Variants in POLR3B observed in about 807,000 individuals in gnomAD.
The protein encoded by POLR3B is DNA-directed RNA polymerase III subunit RPC2.
Under a neutral mutation model 147.4 loss-of-function variants are expected in POLR3B, and 96 were observed. That is an observed-to-expected ratio of 0.65 (90% CI 0.55 to 0.77). The LOEUF is 0.77. POLR3B is among the 30% of genes least tolerant of loss of function. The pLI, the probability that POLR3B is intolerant of heterozygous loss-of-function variation, is 0.00. For missense variants in POLR3B, 1,036 were observed against 1,413.5 expected (o/e 0.73, Z 4.28); for synonymous variants, 461 against 485.9 (o/e 0.95, Z 0.67).
intron 12 of POLR3B, among the ~76,000 whole-genome samples, chr12:106,420,726 A>G (rs1388014170): frequency 6.6e-6 from 1 of 152,206 alleles, no homozygotes; most frequent in Non-Finnish European, 1.5e-5. Context: ...CTGTTTTAAA[A>G]TATCACTGTG....
At chr12:106,472,945 A>G (rs1398387837) in intron 23 of POLR3B, among the ~76,000 whole-genome samples, 2 of 134,414 alleles carry the variant, frequency 1.5e-5, no homozygotes, top group African/African-American at 6.3e-5. Flanking sequence ...GCCCACGCCT[A>G]TGTCCTGAAT....
intron 6 of POLR3B, among the ~76,000 whole-genome samples, chr12:106,371,731 T>A (rs181490256): frequency 6.9e-6 from 1 of 145,054 alleles, no homozygotes; most frequent in Middle Eastern, 3.5e-3. Context: ...TAGGTGGGAA[T>A]TGAACAATGA....
chr12:106,430,171 TA>T, intron 13 of POLR3B, 101 bp from the exon 14 acceptor site: 1 of 840,670 alleles, frequency 1.2e-6, no homozygotes, highest in Non-Finnish European at 2.1e-6. Flanking sequence ...TCTAATTTCG[TA>T]AGCATGAAGC....
At chr12:106,480,105 A>C (rs958287059) in intron 23 of POLR3B, among the ~76,000 whole-genome samples, 2 of 151,828 alleles carry the variant, frequency 1.3e-5, no homozygotes, top group African/African-American at 4.8e-5. Flanking sequence ...CACCTGCCTC[A>C]GCTTCCCAAA....
chr12:106,369,754 A>C, intron 6 of POLR3B, 71 bp downstream of exon 6: 9 of 980,430 alleles, frequency 9.2e-6, no homozygotes, highest in Non-Finnish European at 1.5e-5. Flanking sequence ...CCATTTCCTC[A>C]TCTGAAAAAT....
At chr12:106,484,830 A>T (rs1236948989) in intron 23 of POLR3B, among the ~76,000 whole-genome samples, 2 of 152,060 alleles carry the variant, frequency 1.3e-5, no homozygotes, top group Non-Finnish European at 2.9e-5. Flanking sequence ...TCATTAGGGT[A>T]AGAGTTCTGA....
intron 6 of POLR3B, among the ~76,000 whole-genome samples, chr12:106,375,958 T>C (rs911672963): frequency 6.6e-6 from 1 of 152,086 alleles, no homozygotes; most frequent in African/African-American, 2.4e-5. Context: ...GATTCTCCTG[T>C]CTCAGCCTCC....
At chr12:106,357,973 A>T in intron 1 of POLR3B, 22 bp downstream of exon 1, 1 of 1,610,618 alleles carries the variant, frequency 6.2e-7, no homozygotes, top group Non-Finnish European at 8.5e-7. Context: ...GCACGCAGGG[A>T]GCGTCAGGGA....
At chr12:106,357,974 G>C in intron 1 of POLR3B, 23 bp downstream of exon 1, 3 of 1,610,576 alleles carry the variant, frequency 1.9e-6, no homozygotes, top group Non-Finnish European at 2.5e-6. Context: ...CACGCAGGGA[G>C]CGTCAGGGAC....
At chr12:106,449,528 T>C (rs1048802161) in intron 19 of POLR3B, among the ~76,000 whole-genome samples, 1 of 152,238 alleles carries the variant, frequency 6.6e-6, no homozygotes, top group African/African-American at 2.4e-5. Context: ...TTAACACTTA[T>C]TTTGTATGTG....
chr12:106,509,304 G>A, intron 27 of POLR3B, 116 bp from the exon 28 acceptor site: 1 of 1,094,792 alleles, frequency 9.1e-7, no homozygotes, highest in Non-Finnish European at 1.4e-6. Flanking sequence ...CTTAGGAATA[G>A]AAAGATAATT....
In POLR3B at chr12:106,496,037, A is replaced by G; in HGVS notation, c.2714-18A>G. ...CTGCCAACTTGCTTTATGTGGCATG[A>G]AATCTTCTCTCCCCCAGGTGTTTGT... On this transcript the variant is annotated intron_variant, in intron 23 of 27. Transcript: ENST00000228347. The G allele has an allele frequency of 6.7e-7, 1 of 1,491,380 alleles. No homozygotes were observed. 92.4% of individuals were successfully genotyped at this position (1,491,380 alleles called of 1,614,324 possible).
chr12:106,463,366 A>G, intron 22 of POLR3B, 112 bp from the exon 23 acceptor site: 2 of 924,972 alleles, frequency 2.2e-6, no homozygotes, highest in Non-Finnish European at 3.4e-6. Context: ...AGAGCCCAAG[A>G]TGAAAATGTC....
intron 23 of POLR3B, among the ~76,000 whole-genome samples, chr12:106,489,800 A>C (rs374441581): frequency 6.6e-6 from 1 of 152,222 alleles, no homozygotes; most frequent in Non-Finnish European, 1.5e-5. Flanking sequence ...AGACTGTCTA[A>C]AATCCTCTCT....
chr12:106,440,390 C>T lies in POLR3B; in HGVS notation c.1955+2611C>T, dbSNP rs549509569. Among the ~76,000 whole-genome samples the T allele has an allele frequency of 5.9e-5, 9 of 152,250 alleles. No homozygotes were observed. In the South Asian group the frequency reaches 8.3e-4, roughly 14 times the overall value. On this transcript the variant is annotated intron_variant, in intron 18 of 27. Transcript: ENST00000228347. Reference sequence around the variant, plus strand: ...CCTAATAGAGCAGAGGGGGCATGTCCGTTCTCTTCTCAAATCCCTCAGGGG... The same window carrying T: ...CCTAATAGAGCAGAGGGGGCATGTCTGTTCTCTTCTCAAATCCCTCAGGGG...
At chr12:106,484,219 G>C (rs533238890) in intron 23 of POLR3B, among the ~76,000 whole-genome samples, 17 of 152,272 alleles carry the variant, frequency 1.1e-4, no homozygotes, top group Non-Finnish European at 2.2e-4. Context: ...ACAGCATAAA[G>C]AAGAAAAACC....
At chr12:106,472,481 A>G (rs1308807159) in intron 23 of POLR3B, among the ~76,000 whole-genome samples, 1 of 149,120 alleles carries the variant, frequency 6.7e-6, no homozygotes, top group African/African-American at 2.5e-5. Flanking sequence ...TCCCACCAAC[A>G]GTGTAAAAGT....
intron 27 of POLR3B, among the ~76,000 whole-genome samples, chr12:106,508,241 T>C (rs2038720387): frequency 6.6e-6 from 1 of 152,210 alleles, no homozygotes; most frequent in East Asian, 1.9e-4. Context: ...ATAAATAGTG[T>C]GGCTGTCAGC....
intron 12 of POLR3B, among the ~76,000 whole-genome samples, chr12:106,423,350 A>G (rs1336017717): frequency 6.6e-6 from 1 of 152,330 alleles, no homozygotes; most frequent in East Asian, 1.9e-4. Flanking sequence ...CTTTTCACAC[A>G]TTAAAATTTT....
Sources: gnomAD v4.1 joint callset for allele counts (sites outside exome capture counted in the v4.1 genomes callset) on GRCh38, gnomAD v4.1.1 for gene constraint, MANE v1.5 for transcripts, NCBI Gene and HGNC (gene_info 2026-07-23, HGNC 2026-07-21) for gene names.